The following SMOX variants were observed in gnomAD, a reference collection of about 807,000 sequenced individuals.
The protein encoded by SMOX is spermine oxidase.
Under a neutral mutation model 51.0 loss-of-function variants are expected in SMOX, and 22 were observed. The ratio of observed to expected loss-of-function variants is 0.43; its 90% CI spans 0.31 to 0.62. SMOX has a LOEUF of 0.62. Among genes scored for constraint, SMOX ranks in the 20% least tolerant of loss-of-function variants. The probability of loss-of-function intolerance (pLI) is 0.10; values close to 1 mark genes in which losing one functional copy is unlikely to be tolerated. For synonymous variants in SMOX, 282 were observed against 307.8 expected (o/e 0.92, Z 0.88); for missense variants, 566 against 777.7 (o/e 0.73, Z 3.24).
At chr20:4,163,690 G>A (rs1986435394) in intron 1 of SMOX, among the ~76,000 whole-genome samples, 1 of 152,206 alleles carries the variant, frequency 6.6e-6, no homozygotes, top group South Asian at 2.1e-4. Flanking sequence ...GAAGGGAGCA[G>A]GAGGATTTGC....
chr20:4,155,415 T>TGG (rs11480717), intron 1 of SMOX, among the ~76,000 whole-genome samples: 75 of 150,710 alleles, frequency 5.0e-4, no homozygotes, highest in Non-Finnish European at 9.3e-4. Flanking sequence ...TACGTGGGAG[T>TGG]GGGGGGGGCC....
At chr20:4,169,405 A>T (rs1986725713) in intron 1 of SMOX, among the ~76,000 whole-genome samples, 1 of 151,824 alleles carries the variant, frequency 6.6e-6, no homozygotes, top group Non-Finnish European at 1.5e-5. Flanking sequence ...TTCAGTAGCC[A>T]CTCTTGGAGA....
In SMOX at chr20:4,183,711, C is replaced by T. The variant is rs563518013; in HGVS notation, c.1530+57C>T. 16 of 1,517,714 alleles carry T rather than the reference C, an allele frequency of 1.1e-5. No individual in the cohort carries two copies. In the African/African-American group the frequency reaches 2.1e-4, roughly 20 times the overall value. The allele number at this position is 1,517,714 out of a possible 1,614,324, so 94.0% of individuals were successfully genotyped here. On this transcript the variant is annotated intron_variant, in intron 6 of 6. Transcript: ENST00000305958. This position sits in a 1 kb window ranked among gnomAD's most constrained non-coding sequence, Gnocchi z 4.3. ...TTGTGGGTGTATTTTGTATGTGTGT[C>T]CGGTCCAGGGTGAGGAGGGCTAGGG... is the stretch of plus-strand genomic sequence containing the variant.
chr20:4,186,611 C>T lies in SMOX; in HGVS notation c.1531-659C>T, dbSNP rs568759499. 8.5e-4 allele frequency: 568 copies of T among 669,692 alleles called. 4 individuals carry two copies. Among genetic ancestry groups the T allele is most frequent in the Middle Eastern group, 3.0e-3 (8 of 2,624 alleles). The allele number at this position is 669,692 out of a possible 1,614,324, so 41.5% of individuals were successfully genotyped here. A position where few individuals can be genotyped will look rare whatever the true frequency, so the allele number is the denominator to read the frequency against. The stretch of plus-strand genomic sequence containing the variant: ...CCGAGAACCAGTTCAAAGGTCCTGT[C>T]CTCTGGGAAGCTTTGTGGGATCCCC... On this transcript the variant is annotated intron_variant, in intron 6 of 6. Transcript: ENST00000305958.
Position 4,187,379 on chromosome 20 carries a change from A to G in SMOX, c.1640A>G (p.Tyr547Cys), listed in dbSNP as rs1486356842. The part of the protein sequence containing the change: ...QREAARLIEM[Y>C]RDLFQQGT The stretch of plus-strand genomic sequence containing the variant: ...GAGGCTGCCCGCCTCATTGAGATGT[A>G]CCGAGACCTCTTCCAGCAGGGGACC... The change falls in exon 7 of 7, where the codon TAC becomes TGC. Residue 547 changes from tyrosine (Y) to cysteine (C), a missense_variant. Physicochemically the swap from Tyr to Cys is radical, Grantham distance 194. Transcript: ENST00000305958. The surrounding 1 kb of genome is among the most constrained non-coding windows in gnomAD (Gnocchi z 4.8). 4 of 1,614,140 alleles carry G rather than the reference A, an allele frequency of 2.5e-6. No individual in the cohort carries two copies.
At chr20:4,160,667 G>A (rs1015425538) in intron 1 of SMOX, among the ~76,000 whole-genome samples, 5 of 152,066 alleles carry the variant, frequency 3.3e-5, no homozygotes, top group African/African-American at 7.2e-5. Flanking sequence ...TCCTTTTTTC[G>A]TTTTGTGATC....
chr20:4,184,812 G>A (rs1269970821), intron 6 of SMOX, among the ~76,000 whole-genome samples: 1 of 152,200 alleles, frequency 6.6e-6, no homozygotes, highest in African/African-American at 2.4e-5. Context: ...ACTAGTGCAT[G>A]TAGCAAAAAG....
At chr20:4,159,384 T>C (rs1986202170) in intron 1 of SMOX, among the ~76,000 whole-genome samples, 1 of 152,198 alleles carries the variant, frequency 6.6e-6, no homozygotes, top group African/African-American at 2.4e-5. Flanking sequence ...AGTGCTGAGA[T>C]TACAGGTGTG....
In SMOX at chr20:4,172,906, A is replaced by G. The variant is rs1568740108; in HGVS notation, c.-26-2124A>G. ...GGCACAAAGAGCAGCTTCTCAGCCT[A>G]AGCGTATTTCGGAAAAAGCCTCCTT... On this transcript the variant is annotated intron_variant, in intron 1 of 6. Transcript: ENST00000305958. This position sits in a 1 kb window ranked among gnomAD's most constrained non-coding sequence, Gnocchi z 7.7. Among the ~76,000 whole-genome samples, 2 of 152,098 alleles carry G rather than the reference A, an allele frequency of 1.3e-5. No homozygotes were observed. The highest frequency in any genetic ancestry group is 2.1e-4 in the South Asian group (1 of 4,826).
At position 4,154,655 on chromosome 20, in the gene SMOX, G is replaced by C. The variant is rs1985919208; in HGVS notation, c.-27+5678G>C. The stretch of plus-strand genomic sequence containing the variant: ...TGGGATTACAGGCATGAACCACTGT[G>C]CCTGGCCTGAGACTGCATTTTTAAT... On this transcript the variant is annotated intron_variant, in intron 1 of 6. Coordinates refer to ENST00000305958, the MANE Select transcript of SMOX (RefSeq NM_175839.3). 2.0e-5 allele frequency among the ~76,000 whole-genome samples: 3 copies of C among 152,134 alleles called. No individual in the cohort carries two copies. The South Asian group carries it at 6.2e-4, about 32-fold the overall frequency.
In SMOX at chr20:4,172,751, G is replaced by C. The variant is rs901830786; in HGVS notation, c.-26-2279G>C. On this transcript the variant is annotated intron_variant, in intron 1 of 6. Coordinates refer to ENST00000305958, the MANE Select transcript of SMOX (RefSeq NM_175839.3). This position sits in a 1 kb window ranked among gnomAD's most constrained non-coding sequence, Gnocchi z 7.7. ...GGAACCGATTCTGCACGGAGTTGGCGGGCCTGGGTCTCAGGGGGACTTGGA... is the reference window on the plus strand; with the variant it reads ...GGAACCGATTCTGCACGGAGTTGGCCGGCCTGGGTCTCAGGGGGACTTGGA... 6.7e-6 allele frequency among the ~76,000 whole-genome samples: 1 copy of C among 149,746 alleles called. No homozygotes were observed. Among genetic ancestry groups the C allele is most frequent in the African/African-American group, 2.5e-5 (1 of 40,568 alleles).
In SMOX at chr20:4,170,195, T is replaced by C. The variant is rs967752533; in HGVS notation, c.-26-4835T>C. 1.3e-5 allele frequency among the ~76,000 whole-genome samples: 2 copies of C among 150,136 alleles called. No individual in the cohort carries two copies. Among genetic ancestry groups the C allele is most frequent in the African/African-American group, 4.9e-5 (2 of 40,680 alleles). ...CTTCTGGCGCAGTTGGGGGTGGAGG[T>C]GACATGATTCAGGCTGTGGAGTTGC... On this transcript the variant is annotated intron_variant, in intron 1 of 6. Coordinates refer to ENST00000305958, the MANE Select transcript of SMOX (RefSeq NM_175839.3). This position sits in a 1 kb window ranked among gnomAD's most constrained non-coding sequence, Gnocchi z 4.6.
In SMOX at chr20:4,183,520, C is replaced by T. The variant is rs753767021; in HGVS notation, c.1396C>T (p.Arg466Ter). 3.7e-6 allele frequency: 6 copies of T among 1,614,072 alleles called. No individual in the cohort carries two copies. The African/African-American group carries it at 5.3e-5, about 14-fold the overall frequency. ...TGNPNIPKPR[R>*]ILRSAWGSNP... is the part of the protein sequence containing the mutation. ...GAACCCCAACATTCCAAAACCTCGG[C>T]GAATCTTGCGCTCGGCCTGGGGCAG... The change falls in exon 6 of 7, where the codon CGA becomes TGA. Residue 466 changes from arginine (R) to a stop codon, truncating the protein, a stop_gained. Transcript: ENST00000305958. LOFTEE classifies it high-confidence loss of function. The surrounding 1 kb of genome is among the most constrained non-coding windows in gnomAD (Gnocchi z 4.3).
Position 4,175,273 on chromosome 20 carries a change from A to T in SMOX, c.208+10A>T. On this transcript the variant is annotated intron_variant, in intron 2 of 6. Coordinates refer to ENST00000305958, the MANE Select transcript of SMOX (RefSeq NM_175839.3). ...CAGAGTGTGAAACTTGGTAAGTGCC[A>T]CCCAGTCCAGCCCAGCCACCTCCCC... 2.5e-6 allele frequency: 4 copies of T among 1,612,942 alleles called. No homozygotes were observed. The highest frequency in any genetic ancestry group is 3.4e-6 in the Non-Finnish European group (4 of 1,179,166).
chr20:4,180,778 C>G (rs752960422), intron 3 of SMOX, among the ~76,000 whole-genome samples: 8 of 152,134 alleles, frequency 5.3e-5, no homozygotes, highest in Non-Finnish European at 1.0e-4. Flanking sequence ...TCTCCCTTTC[C>G]TCTCCACCCT....
At chr20:4,185,129 G>A (rs1445906464) in intron 6 of SMOX, among the ~76,000 whole-genome samples, 1 of 152,228 alleles carries the variant, frequency 6.6e-6, no homozygotes, top group Non-Finnish European at 1.5e-5. Flanking sequence ...AGGCTGGGCA[G>A]TATCATTTTT....
intron 1 of SMOX, among the ~76,000 whole-genome samples, chr20:4,164,134 G>A (rs758660036): frequency 6.6e-6 from 1 of 152,078 alleles, no homozygotes; most frequent in Admixed American, 6.5e-5. Flanking sequence ...TCTTCCCATT[G>A]TCATTCCATA....
rs1985631373 is a variant in SMOX at position 4,149,663 on chromosome 20, T to A, written c.-27+686T>A. Among the ~76,000 whole-genome samples the A allele has an allele frequency of 6.6e-6, 1 of 152,146 alleles. No homozygotes were observed. The highest frequency in any genetic ancestry group is 2.1e-4 in the South Asian group (1 of 4,824). On this transcript the variant is annotated intron_variant, in intron 1 of 6. Transcript: ENST00000305958. The surrounding 1 kb of genome is among the most constrained non-coding windows in gnomAD (Gnocchi z 6.0). ...TGTGGGAGGGGCTGAGGGAAGCCAC[T>A]GCCCTGGGGTAGGGGCGAGGGCTCC...
chr20:4,175,812 C>T (rs1043860710), intron 2 of SMOX, among the ~76,000 whole-genome samples: 1 of 141,558 alleles, frequency 7.1e-6, no homozygotes, highest in Non-Finnish European at 1.5e-5. Context: ...GAGACTTGCC[C>T]TAGGGGTGGG....
Sources: gnomAD v4.1 joint callset for allele counts (sites outside exome capture counted in the v4.1 genomes callset) on GRCh38, gnomAD v4.1.1 for gene constraint, Gnocchi (gnomAD v3.1) non-coding constraint, MANE v1.5 for transcripts, NCBI Gene and HGNC (gene_info 2026-07-23, HGNC 2026-07-21) for gene names.